The following SLC12A5 variants were observed in gnomAD, a reference collection of about 807,000 sequenced individuals.
SLC12A5 encodes the protein K-Cl cotransporter 2.
SLC12A5 carries 18 observed loss-of-function variants against 124.0 expected under a neutral mutation model. The observed-to-expected ratio is 0.15, with a 90% confidence interval of 0.10 to 0.22. The LOEUF (loss-of-function observed/expected upper bound fraction) is 0.22. Ranked by LOEUF, SLC12A5 falls within the 10% of genes least tolerant of loss-of-function variation. The pLI is 1.00. For missense variants in SLC12A5, 867 were observed against 1,478.7 expected, an observed-to-expected ratio of 0.59 and a Z score of 6.78; for synonymous variants, 589 against 568.0, an observed-to-expected ratio of 1.04 and a Z score of -0.53.
chr20:46,027,771 C>A (rs1217969203), upstream of SLC12A5: 1 of 152,208 alleles, frequency 6.6e-6, no homozygotes, highest in Admixed American at 6.5e-5. Context: ...GAGTCCTAAA[C>A]TGGAGTAAAG....
intron 5 of SLC12A5, 42 bp downstream of exon 5, chr20:46,036,837 G>C: frequency 6.2e-7 from 1 of 1,610,676 alleles, no homozygotes; most frequent in Non-Finnish European, 8.5e-7. Context: ...ATGGCTGGGT[G>C]GAAGGAGGGA....
chr20:46,022,608 A>T, intron 1 of SLC12A5: 1 of 380,548 alleles, frequency 2.6e-6, no homozygotes, highest in Non-Finnish European at 4.7e-6. Context: ...AGCGAGATTC[A>T]GGGAGGATGC....
chr20:46,059,162 A>G lies in SLC12A5; in HGVS notation c.*1557A>G, dbSNP rs1366446953. On this transcript the variant is annotated 3_prime_UTR_variant, in exon 26 of 26. Transcript: ENST00000243964. ...CATGCTCGTTCCAGCACCATCTGGGACTGGGTACAGTACCTCCAGCCCCAG... is the reference window on the plus strand; with the variant it reads ...CATGCTCGTTCCAGCACCATCTGGGGCTGGGTACAGTACCTCCAGCCCCAG... The G allele has an allele frequency of 1.9e-5, 4 of 215,532 alleles. No homozygotes were observed. Among genetic ancestry groups the G allele is most frequent in the Non-Finnish European group, 3.6e-5 (4 of 110,446 alleles). 13.4% of individuals were successfully genotyped at this position (215,532 alleles called of 1,614,324 possible).
chr20:46,055,354 G>A (rs2084680141), intron 21 of SLC12A5, among the ~76,000 whole-genome samples: 1 of 152,202 alleles, frequency 6.6e-6, no homozygotes, highest in Non-Finnish European at 1.5e-5. Context: ...GCCAGTGTGA[G>A]GGATAAGGGC....
chr20:46,022,068 A>C, intron 1 of SLC12A5: 5 of 721,096 alleles, frequency 6.9e-6, no homozygotes, highest in Non-Finnish European at 4.0e-6. Flanking sequence ...GCGGAACGCA[A>C]AGTGTGGAGG....
intron 7 of SLC12A5, chr20:46,041,070 C>A: frequency 2.3e-6 from 1 of 437,428 alleles, no homozygotes. Flanking sequence ...GGGCGGCCCC[C>A]GAGACCGCTG....
In SLC12A5 at chr20:46,059,623, T is replaced by A. The variant is rs2084733736; in HGVS notation, c.*2018T>A. 2.5e-6 allele frequency: 1 copy of A among 399,094 alleles called. No homozygotes were observed. The highest frequency in any genetic ancestry group is 3.6e-5 in the East Asian group (1 of 28,082). The allele number at this position is 399,094 out of a possible 1,614,324, so 24.7% of individuals were successfully genotyped here. ...GATTGTCTGGTTGGCAAGAGCAAAGTTTCCGTTGATGAAACAGACATCCCA... is the reference window on the plus strand; with the variant it reads ...GATTGTCTGGTTGGCAAGAGCAAAGATTCCGTTGATGAAACAGACATCCCA... On this transcript the variant is annotated 3_prime_UTR_variant, in exon 26 of 26. Transcript: ENST00000243964.
At chr20:46,023,917 G>A (rs1424000611), downstream of SLC12A5, among the ~76,000 whole-genome samples, 7 of 152,076 alleles carry the variant, frequency 4.6e-5, no homozygotes, top group Admixed American at 4.6e-4. Flanking sequence ...GGTGGCTGTG[G>A]GATCCTGCTT....
intron 1 of SLC12A5, among the ~76,000 whole-genome samples, chr20:46,030,150 G>C (rs1475133656): frequency 6.6e-6 from 1 of 150,922 alleles, no homozygotes; most frequent in South Asian, 2.1e-4. Flanking sequence ...TTCAGGACGG[G>C]AAGCAAGATC....
At chr20:46,030,668 C>T (rs1435273264) in intron 1 of SLC12A5, among the ~76,000 whole-genome samples, 1 of 152,212 alleles carries the variant, frequency 6.6e-6, no homozygotes, top group African/African-American at 2.4e-5. Flanking sequence ...GCGGATGGCG[C>T]CTAGGGCTGA....
In SLC12A5 at chr20:46,035,575, G is replaced by A. The variant is rs374375423; in HGVS notation, c.279+40G>A. ...GGATGAGAAATGGAAGAAAAGGGAC[G>A]GATGGGGGGTGGGGGAGGATGGGGG... On this transcript the variant is annotated intron_variant, in intron 3 of 25. Transcript: ENST00000243964. 4.4e-5 allele frequency: 69 copies of A among 1,579,362 alleles called. No homozygotes were observed. In the African/African-American group the frequency reaches 7.3e-4, roughly 17 times the overall value.
chr20:46,046,838 T>A (rs2084600195), intron 14 of SLC12A5, among the ~76,000 whole-genome samples: 1 of 152,254 alleles, frequency 6.6e-6, no homozygotes, highest in Admixed American at 6.5e-5. Flanking sequence ...TAGCTGCACC[T>A]GCCTGTGGGT....
chr20:46,036,714 C>T, intron 4 of SLC12A5, 27 bp from the exon 5 acceptor site: 1 of 1,613,456 alleles, frequency 6.2e-7, no homozygotes, highest in Non-Finnish European at 8.5e-7. Flanking sequence ...ACCCCAGCCA[C>T]CGCTCTGATG....
intron 11 of SLC12A5, 75 bp from the exon 12 acceptor site, chr20:46,044,891 T>C: frequency 6.4e-7 from 1 of 1,555,588 alleles, no homozygotes; most frequent in Non-Finnish European, 8.8e-7. Flanking sequence ...GTTGGTTCTG[T>C]AGTTGGTATG....
intron 21 of SLC12A5, among the ~76,000 whole-genome samples, chr20:46,055,459 G>A (rs2084681060): frequency 6.6e-6 from 1 of 152,130 alleles, no homozygotes; most frequent in African/African-American, 2.4e-5. Context: ...GGGTGTGATT[G>A]ATGGGATCTC....
chr20:46,036,665 G>A, intron 4 of SLC12A5, 76 bp from the exon 5 acceptor site: 2 of 1,528,442 alleles, frequency 1.3e-6, no homozygotes, highest in South Asian at 2.3e-5. Context: ...TGTTTATGGG[G>A]TATAAGGCTT....
In SLC12A5 at chr20:46,049,711, G is replaced by C; in HGVS notation, c.2102G>C (p.Gly701Ala). ...TCACTGACCTCCCAGCTGAAGGCGG[G>C]GAAGGGCCTGACCATCGTGGGCTCT... ...LLSLTSQLKA[G>A]KGLTIVGSVL... The change falls in exon 17 of 26, where the codon GGG (glycine) becomes GCG (alanine). Residue 701 changes from glycine to alanine, a missense_variant. Around this residue, in one of 9 missense-constraint regions of SLC12A5, gnomAD observed 6 missense variants for 25.3 expected, o/e 0.24. Transcript: ENST00000243964. 2 of 1,604,884 alleles carry C rather than the reference G, an allele frequency of 1.2e-6. No homozygotes were observed. The highest frequency in any genetic ancestry group is 2.3e-5 in the South Asian group (2 of 88,676).
intron 18 of SLC12A5, among the ~76,000 whole-genome samples, chr20:46,052,368 A>G (rs2145502793): frequency 6.6e-6 from 1 of 152,350 alleles, no homozygotes; most frequent in African/African-American, 2.4e-5. Context: ...TGTTATCTCC[A>G]TCTTTTTTGA....
intron 8 of SLC12A5, 55 bp from the exon 9 acceptor site, chr20:46,043,098 A>C: frequency 6.4e-7 from 1 of 1,572,060 alleles, no homozygotes; most frequent in South Asian, 1.1e-5. Context: ...TCCTGGTCCC[A>C]GAGCTCTGGT....
Sources: gnomAD v4.1 joint callset for allele counts (sites outside exome capture counted in the v4.1 genomes callset) on GRCh38, gnomAD v4.1.1 for gene constraint, gnomAD v4.1.1 regional missense constraint, MANE v1.5 for transcripts, NCBI Gene and HGNC (gene_info 2026-07-23, HGNC 2026-07-21) for gene names.